GAA: variants seen among roughly 807,000 people sequenced by gnomAD.
GAA encodes alpha glucosidase, also known as lysosomal alpha-glucosidase.
Under a neutral mutation model 103.9 loss-of-function variants are expected in GAA, and 88 were observed. The ratio of observed to expected loss-of-function variants is 0.85; its 90% CI spans 0.71 to 1.01. The LOEUF (loss-of-function observed/expected upper bound fraction) is 1.01, where lower values mean the gene tolerates loss of function less well. Among genes scored for constraint, GAA ranks in the 50% least tolerant of loss-of-function variants. The pLI, the probability that GAA is intolerant of heterozygous loss-of-function variation, is 0.00. For synonymous variants in GAA, 572 were observed against 563.1 expected (o/e 1.02, Z -0.22); for missense variants, 1,350 against 1,305.3 (o/e 1.03, Z -0.53).
Position 80,117,593 on chromosome 17 carries a change from C to T in GAA, c.2332-7C>T, listed in dbSNP as rs2039383516. 6.2e-7 allele frequency: 1 copy of T among 1,612,874 alleles called. No homozygotes were observed. The highest frequency in any genetic ancestry group is 8.5e-7 in the Non-Finnish European group (1 of 1,179,956). On this transcript the variant is annotated splice_region_variant and splice_polypyrimidine_tract_variant and intron_variant, in intron 16 of 19. Transcript: ENST00000302262. ...CCCAGAATCCTCAAAGCAACATCTC[C>T]CTCCAGGTGCCAGTAGAGGCCCTTG...
At chr17:80,106,847 A>C (rs1342168137) in intron 3 of GAA, among the ~76,000 whole-genome samples, 1 of 152,232 alleles carries the variant, frequency 6.6e-6, no homozygotes, top group African/African-American at 2.4e-5. Context: ...CCTTGAGCCC[A>C]GGGGTTCGAG....
At chr17:80,109,462 AG>A (rs1430675354) in intron 8 of GAA, among the ~76,000 whole-genome samples, 1 of 152,206 alleles carries the variant, frequency 6.6e-6, no homozygotes, top group Non-Finnish European at 1.5e-5. Flanking sequence ...GGTGGGAGGC[AG>A]GGCGAGCTGA....
At chr17:80,113,170 C>G (rs758096543) in intron 14 of GAA, 48 bp from the exon 15 acceptor site, 10 of 1,552,988 alleles carry the variant, frequency 6.4e-6, no homozygotes, top group Non-Finnish European at 2.6e-6. Context: ...TCCAGGGGAC[C>G]GCGGCCCCAG....
chr17:80,105,682 C>G lies in GAA; in HGVS notation c.547-67C>G, dbSNP rs8069491. 0.7 allele frequency: 1,109,493 copies of G among 1,575,512 alleles called. 394,715 individuals are homozygous for G. Among genetic ancestry groups the G allele is most frequent in the Middle Eastern group, 0.8 (4,554 of 5,722 alleles). On this transcript the variant is annotated intron_variant, in intron 2 of 19. Coordinates refer to ENST00000302262, the MANE Select transcript of GAA (RefSeq NM_000152.5). ...GCACCAGGACCTGACCTGTCCTTGG[C>G]GTGCGGGTTGTTCTCTGGAGAGTAA...
intron 1 of GAA, among the ~76,000 whole-genome samples, chr17:80,103,588 G>A (rs900622338): frequency 1.3e-5 from 2 of 152,166 alleles, no homozygotes; most frequent in Non-Finnish European, 2.9e-5. Context: ...AACAAAGGTC[G>A]TTGGTACTTG....
intron 2 of GAA, 36 bp from the exon 3 acceptor site, chr17:80,105,713 C>T (rs778891389): frequency 6.2e-7 from 1 of 1,609,440 alleles, no homozygotes; most frequent in Middle Eastern, 1.7e-4. Context: ...AGTAAGGTGG[C>T]TGTGGGGAAC....
intron 11 of GAA, 45 bp downstream of exon 11, chr17:80,111,070 G>A: frequency 6.4e-7 from 1 of 1,574,150 alleles, no homozygotes; most frequent in Non-Finnish European, 8.7e-7. Flanking sequence ...TCAAATCAGA[G>A]ACTCCCTTGT....
intron 3 of GAA, among the ~76,000 whole-genome samples, chr17:80,106,523 G>A (rs1364933122): frequency 6.6e-6 from 1 of 151,680 alleles, no homozygotes; most frequent in Non-Finnish European, 1.5e-5. Context: ...GGAGTGGGGG[G>A]TGGGGAGGCC....
intron 12 of GAA, 25 bp from the exon 13 acceptor site, chr17:80,112,553 C>T (rs753367061): frequency 2.5e-6 from 4 of 1,612,784 alleles, no homozygotes; most frequent in East Asian, 2.2e-5. Flanking sequence ...CCACACAGCC[C>T]TCACGGTGTC....
At chr17:80,106,113 C>A (rs1428461847) in intron 3 of GAA, among the ~76,000 whole-genome samples, 1 of 152,216 alleles carries the variant, frequency 6.6e-6, no homozygotes, top group East Asian at 1.9e-4. Context: ...TCAGGACTCA[C>A]CAAGCCCCTG....
intron 11 of GAA, 124 bp downstream of exon 11, chr17:80,111,149 G>T: frequency 3.2e-6 from 3 of 924,308 alleles, no homozygotes; most frequent in Non-Finnish European, 3.3e-6. Flanking sequence ...GGGCGGGGGG[G>T]GGATCCCCAG....
Position 80,119,787 on chromosome 17 carries a change from C to A in GAA, c.*456C>A. On this transcript the variant is annotated 3_prime_UTR_variant, in exon 20 of 20. Coordinates refer to ENST00000302262, the MANE Select transcript of GAA (RefSeq NM_000152.5). ...AGAGGGCTGGATGCCTGCCGGTCCC[C>A]GAGCAAGCCTGGGAACTCAGGAAAA... The A allele has an allele frequency of 4.8e-6, 1 of 206,784 alleles. No individual in the cohort carries two copies. The highest frequency in any genetic ancestry group is 8.1e-5 in the South Asian group (1 of 12,310). The allele number at this position is 206,784 out of a possible 1,614,324, so 12.8% of individuals were successfully genotyped here.
chr17:80,112,838 G>T (rs769693370), intron 13 of GAA, 38 bp from the exon 14 acceptor site: 1 of 1,595,730 alleles, frequency 6.3e-7, no homozygotes, highest in South Asian at 1.1e-5. Context: ...TGGCTCTGCT[G>T]CAGCAGCCTG....
Position 80,107,587 on chromosome 17 carries a change from T to C in GAA, c.723T>C (p.Phe241=). Residue 241 remains phenylalanine (F), a synonymous_variant, in exon 4 of 20, where the codon TTT becomes TTC. Transcript: ENST00000302262. ...LLNTTVAPLF[F]ADQFLQLSTS... The stretch of plus-strand genomic sequence containing the variant: ...ACACGACGGTGGCGCCCCTGTTCTT[T>C]GCGGACCAGTTCCTTCAGCTGTCCA... 6.2e-7 allele frequency: 1 copy of C among 1,613,140 alleles called. No individual in the cohort carries two copies. Among genetic ancestry groups the C allele is most frequent in the Non-Finnish European group, 8.5e-7 (1 of 1,179,878 alleles).
Position 80,107,859 on chromosome 17 carries a change from G to A in GAA, c.918G>A (p.Ser306=), listed in dbSNP as rs373276219. ...ACCTGGCGCTGGAGGACGGCGGGTC[G>A]GCACACGGGGTGTTCCTGCTAAACA... ...PFYLALEDGG[S]AHGVFLLNSN... is the part of the protein sequence containing the mutation. The change falls in exon 5 of 20, where the codon TCG becomes TCA. Residue 306 remains serine, a synonymous_variant. Coordinates refer to ENST00000302262, the MANE Select transcript of GAA (RefSeq NM_000152.5). 14 of 1,611,666 alleles carry A rather than the reference G, an allele frequency of 8.7e-6. No individual in the cohort carries two copies. The highest frequency in any genetic ancestry group is 5.5e-5 in the South Asian group (5 of 90,994).
rs1029231930 is a variant in GAA, at chr17:80,110,717, C to T, written c.1438-10C>T. On this transcript the variant is annotated splice_polypyrimidine_tract_variant and intron_variant, in intron 9 of 19. Transcript: ENST00000302262. ...GCCGGGTCTCCCCACTGCAGCCTCT[C>T]GTTGTCCAGGTATGGCCCGGGTCCA... The T allele has an allele frequency of 9.9e-6, 16 of 1,612,714 alleles. No individual in the cohort carries two copies. Among genetic ancestry groups the T allele is most frequent in the Non-Finnish European group, 1.3e-5 (15 of 1,179,204 alleles).
Position 80,108,769 on chromosome 17 carries a change from G to C in GAA, c.1267G>C (p.Asp423His). ...CACGTTCAACAAGGATGGCTTCCGG[G>C]ACTTCCCGGCCATGGTGCAGGAGCT... ...DFTFNKDGFR[D>H]FPAMVQELHQ... The change falls in exon 8 of 20, where the codon GAC (aspartate) becomes CAC (histidine). Residue 423 changes from aspartate to histidine, a missense_variant. By Grantham distance (81) the Asp-to-His change is moderately conservative. Transcript: ENST00000302262. 1 of 1,610,218 alleles carries C rather than the reference G, an allele frequency of 6.2e-7. No homozygotes were observed. The highest frequency in any genetic ancestry group is 8.5e-7 in the Non-Finnish European group (1 of 1,178,766).
chr17:80,117,277 C>T (rs1177752435), intron 16 of GAA, among the ~76,000 whole-genome samples, 168 bp downstream of exon 16: 1 of 152,214 alleles, frequency 6.6e-6, no homozygotes, highest in African/African-American at 2.4e-5. Flanking sequence ...ATCAGCCTCT[C>T]CGCTCCTCAC....
Position 80,113,374 on chromosome 17 carries a change from A to C in GAA, c.2189+8A>C. The stretch of plus-strand genomic sequence containing the variant: ...CCGGCCCCTCTTCCTGGAGTGAGTG[A>C]CCTAGGCAGGGGCGGTGGCCCATGT... On this transcript the variant is annotated splice_region_variant and intron_variant, in intron 15 of 19. Coordinates refer to ENST00000302262, the MANE Select transcript of GAA (RefSeq NM_000152.5). The C allele has an allele frequency of 3.2e-6, 5 of 1,563,606 alleles. No individual in the cohort carries two copies. The highest frequency in any genetic ancestry group is 4.3e-6 in the Non-Finnish European group (5 of 1,151,328).
Sources: allele counts gnomAD v4.1 joint callset (sites outside exome capture counted in the v4.1 genomes callset), GRCh38; gene constraint gnomAD v4.1.1; transcripts MANE v1.5; gene names NCBI Gene and HGNC (gene_info 2026-07-23, HGNC 2026-07-21).